Variants in TINAG observed in about 807,000 individuals in gnomAD.
The protein encoded by TINAG is tubulointerstitial nephritis antigen.
In TINAG, 83 loss-of-function variants were observed where a neutral mutation model predicts 72.7. The observed-to-expected ratio is 1.14, with a 90% CI of 0.96 to 1.37. The LOEUF is 1.37. TINAG is among the 40% of genes most tolerant of loss of function. The pLI is 0.00. For missense variants in TINAG, 685 were observed against 576.6 expected, an observed-to-expected ratio of 1.19 and a Z score of -1.93; for synonymous variants, 234 against 189.9, an observed-to-expected ratio of 1.23 and a Z score of -1.91.
intron 7 of TINAG, among the ~76,000 whole-genome samples, chr6:54,350,786 G>C (rs1447396823): frequency 2.0e-5 from 3 of 151,106 alleles, no homozygotes; most frequent in Non-Finnish European, 4.4e-5. Context: ...TCTCTACAAT[G>C]GATCTTATTA....
intron 3 of TINAG, 106 bp downstream of exon 3, chr6:54,321,492 T>C (rs1784489704): frequency 5.3e-6 from 4 of 751,884 alleles, no homozygotes; most frequent in Non-Finnish European, 8.9e-6. Flanking sequence ...AAAGAAAGAG[T>C]GGGAGAGAAA....
rs373215511 is a variant in TINAG, at chr6:54,321,830, G to A, written c.509+444G>A. Among the ~76,000 whole-genome samples the A allele has an allele frequency of 4.5e-4, 68 of 152,274 alleles. 1 individual carries two copies. In the South Asian group the frequency reaches 0.014, roughly 31 times the overall value. On this transcript the variant is annotated intron_variant, in intron 3 of 10. Coordinates refer to ENST00000259782, the MANE Select transcript of TINAG (RefSeq NM_014464.4). ...ACAAGCCAATCTAAATAATTTCACTGAAATGATGGGTATCTAACCAATGTC... is the reference window on the plus strand; with the variant it reads ...ACAAGCCAATCTAAATAATTTCACTAAAATGATGGGTATCTAACCAATGTC...
At chr6:54,323,317 A>G (rs528323746) in intron 3 of TINAG, among the ~76,000 whole-genome samples, 1 of 152,320 alleles carries the variant, frequency 6.6e-6, no homozygotes, top group South Asian at 2.1e-4. Context: ...AACTAAAATT[A>G]TTTACCAGGG....
At chr6:54,357,650 C>T (rs551590043) in intron 9 of TINAG, among the ~76,000 whole-genome samples, 45 of 151,990 alleles carry the variant, frequency 3.0e-4, no homozygotes, top group Non-Finnish European at 5.0e-4. Context: ...TATGTCACAA[C>T]CTCTTTTGGC....
At position 54,349,842 on chromosome 6, in the gene TINAG, A is replaced by T; in HGVS notation, c.1026A>T (p.Val342=). 1 of 1,610,194 alleles carries T rather than the reference A, an allele frequency of 6.2e-7. No individual in the cohort carries two copies. Residue 342 remains valine (V), a synonymous_variant, in exon 7 of 11, where the codon GTA becomes GTT. Coordinates refer to ENST00000259782, the MANE Select transcript of TINAG (RefSeq NM_014464.4). ...RHATKPCPNN[V]EKSNRIYQCS... is the part of the protein sequence containing the mutation. ...CCACGAAGCCATGTCCCAACAACGT[A>T]GAAAAATCTAACAGGATCTATCAAT...
intron 3 of TINAG, 142 bp from the exon 4 acceptor site, chr6:54,326,660 G>T (rs1333330873): frequency 3.5e-6 from 2 of 572,780 alleles, no homozygotes; most frequent in Admixed American, 7.6e-5. Context: ...ATTATATAAA[G>T]AATATCTAGC....
intron 4 of TINAG, among the ~76,000 whole-genome samples, chr6:54,332,277 C>CA (rs761566532): frequency 3.3e-5 from 5 of 152,050 alleles, no homozygotes; most frequent in Admixed American, 2.0e-4. Flanking sequence ...TATATACAGA[C>CA]AAATGGAACA....
chr6:54,381,072 A>C (rs1763933119), intron 10 of TINAG, among the ~76,000 whole-genome samples: 1 of 149,130 alleles, frequency 6.7e-6, no homozygotes, highest in African/African-American at 2.4e-5. Flanking sequence ...ATATATGTAT[A>C]TATATCCTAT....
intron 9 of TINAG, among the ~76,000 whole-genome samples, chr6:54,358,647 T>G (rs1456166336): frequency 6.6e-6 from 1 of 151,824 alleles, no homozygotes; most frequent in Non-Finnish European, 1.5e-5. Flanking sequence ...CAACCTTTGC[T>G]GTTATCCTGG....
chr6:54,308,560 G>A lies in TINAG; in HGVS notation c.10G>A (p.Gly4Arg), dbSNP rs200041089. The change falls in exon 1 of 11, where the codon GGA becomes AGA. Residue 4 changes from glycine to arginine, a missense_variant. Physicochemically the swap from Gly to Arg is moderately radical, Grantham distance 125. Transcript: ENST00000259782. ...ACCTGACTTCCAGAGAATGTGGACC[G>A]GATATAAGATCTTAATCTTCTCTTA... is the stretch of plus-strand genomic sequence containing the variant. MWTGYKILIFSYLT... is the reference protein window; with the variant it reads MWTRYKILIFSYLT... The A allele has an allele frequency of 1.8e-5, 29 of 1,610,354 alleles. No homozygotes were observed. In the South Asian group the frequency reaches 2.3e-4, roughly 13 times the overall value.
At chr6:54,354,391 C>A in intron 8 of TINAG, 122 bp from the exon 9 acceptor site, 4 of 856,904 alleles carry the variant, frequency 4.7e-6, no homozygotes, top group Non-Finnish European at 7.1e-6. Context: ...CTGAATCACA[C>A]AGCCCCTTCT....
At chr6:54,355,294 A>G (rs1410081183) in intron 9 of TINAG, among the ~76,000 whole-genome samples, 1 of 151,916 alleles carries the variant, frequency 6.6e-6, no homozygotes, top group African/African-American at 2.4e-5. Flanking sequence ...ATGAAATGCT[A>G]CAAAGTTTTA....
At chr6:54,335,043 G>A (rs571268606) in intron 4 of TINAG, among the ~76,000 whole-genome samples, 10 of 152,140 alleles carry the variant, frequency 6.6e-5, no homozygotes, top group Non-Finnish European at 1.3e-4. Context: ...ACCTTTATAA[G>A]GTTTGCTCTT....
chr6:54,314,357 C>A (rs545481072), intron 1 of TINAG, among the ~76,000 whole-genome samples: 4 of 152,196 alleles, frequency 2.6e-5, no homozygotes, highest in South Asian at 2.1e-4. Flanking sequence ...ATTTGAGTCC[C>A]ATTTAAAATA....
intron 9 of TINAG, among the ~76,000 whole-genome samples, chr6:54,365,148 G>A (rs1320782794): frequency 6.6e-6 from 1 of 151,508 alleles, no homozygotes; most frequent in East Asian, 1.9e-4. Flanking sequence ...TAAGACAGTT[G>A]AATGAACATT....
chr6:54,347,950 G>A (rs994180866), intron 6 of TINAG, among the ~76,000 whole-genome samples: 1 of 152,020 alleles, frequency 6.6e-6, no homozygotes, highest in Non-Finnish European at 1.5e-5. Flanking sequence ...ATTTACAGTT[G>A]TTTCAACTCA....
chr6:54,343,329 C>A lies in TINAG; in HGVS notation c.728C>A (p.Ser243Tyr). 1 of 1,553,714 alleles carries A rather than the reference C, an allele frequency of 6.4e-7. No individual in the cohort carries two copies. Among genetic ancestry groups the A allele is most frequent in the Non-Finnish European group, 8.7e-7 (1 of 1,147,480 alleles). Residue 243 changes from serine to tyrosine, a missense_variant, in exon 5 of 11, where the codon TCC becomes TAC. Coordinates refer to ENST00000259782, the MANE Select transcript of TINAG (RefSeq NM_014464.4). ...TTGGATCAAAAAAATTGTGCTGCAT[C>A]CTGGGCATTTTCCACTGCAAGTAAT... ...GPLDQKNCAA[S>Y]WAFSTASVAA... is the part of the protein sequence containing the mutation.
At chr6:54,374,207 A>C (rs188416290) in intron 9 of TINAG, among the ~76,000 whole-genome samples, 1 of 152,226 alleles carries the variant, frequency 6.6e-6, no homozygotes, top group East Asian at 1.9e-4. Flanking sequence ...AGCTGTTTAG[A>C]TAATTAACGT....
intron 6 of TINAG, 107 bp downstream of exon 6, chr6:54,347,624 A>G: frequency 9.1e-7 from 1 of 1,095,788 alleles, no homozygotes; most frequent in East Asian, 2.6e-5. Context: ...TTAAAAATAT[A>G]TATACTACAT....
Sources: allele counts gnomAD v4.1 joint callset (sites outside exome capture counted in the v4.1 genomes callset), GRCh38; gene constraint gnomAD v4.1.1; transcripts MANE v1.5; gene names NCBI Gene and HGNC (gene_info 2026-07-23, HGNC 2026-07-21).